The following FRMD3 variants were observed in gnomAD, a reference collection of about 807,000 sequenced individuals.
The protein encoded by FRMD3 is FERM domain containing 3.
Under a neutral mutation model 70.2 loss-of-function variants are expected in FRMD3, and 33 were observed. That is an observed-to-expected ratio of 0.47 (90% CI 0.36 to 0.63). FRMD3 has a LOEUF of 0.63. Ranked by LOEUF, FRMD3 falls within the 20% of genes least tolerant of loss-of-function variation. The pLI is 0.00. For synonymous variants in FRMD3, 279 were observed against 255.9 expected (o/e 1.09, Z -0.86); for missense variants, 632 against 711.4 (o/e 0.89, Z 1.27).
intron 1 of FRMD3, among the ~76,000 whole-genome samples, chr9:83,418,499 C>T (rs1389679562): frequency 1.3e-5 from 2 of 151,904 alleles, no homozygotes; most frequent in African/African-American, 4.8e-5. Context: ...AGAAGATATG[C>T]AAACAGCCAG....
chr9:83,265,922 C>T (rs1833234623), intron 13 of FRMD3, among the ~76,000 whole-genome samples: 1 of 152,080 alleles, frequency 6.6e-6, no homozygotes, highest in South Asian at 2.1e-4. Context: ...ATTGCAGTAC[C>T]ATCTGTTACA....
chr9:83,360,097 T>C (rs571303714), intron 3 of FRMD3, among the ~76,000 whole-genome samples: 1 of 152,296 alleles, frequency 6.6e-6, no homozygotes, highest in East Asian at 1.9e-4. Context: ...CCCTGGCATC[T>C]AAAGGACAGC....
At chr9:83,517,600 C>T (rs1413624429) in intron 1 of FRMD3, among the ~76,000 whole-genome samples, 1 of 149,476 alleles carries the variant, frequency 6.7e-6, no homozygotes, top group Non-Finnish European at 1.5e-5. Flanking sequence ...AAAACTATTA[C>T]AAGCAATAAA....
intron 6 of FRMD3, chr9:83,332,047 GC>G (rs1823396346): frequency 4.8e-6 from 3 of 623,922 alleles, no homozygotes; most frequent in Non-Finnish European, 2.9e-6. Context: ...GGTGGGCGGA[GC>G]CCCCCAGCTG....
In FRMD3 at chr9:83,297,211, CAGG is replaced by C. The variant is rs371646156; in HGVS notation, c.1070+1534_1070+1536del. ...GTGTCCTGCTTTGTGTTTGTGCTACCAGGAGAACTCCCTCAGCATCAGGTATTT... is the reference window on the plus strand; with the variant it reads ...GTGTCCTGCTTTGTGTTTGTGCTACCAGAACTCCCTCAGCATCAGGTATTT... On this transcript the variant is annotated intron_variant, in intron 12 of 13. Coordinates refer to ENST00000304195, the MANE Select transcript of FRMD3 (RefSeq NM_174938.6). Among the ~76,000 whole-genome samples the C allele has an allele frequency of 3.1e-4, 47 of 152,266 alleles. No individual in the cohort carries two copies. In the South Asian group the frequency reaches 9.3e-3, roughly 30 times the overall value.
At chr9:83,313,772 G>A (rs1405919997) in intron 6 of FRMD3, 25 bp from the exon 7 acceptor site, 1 of 1,573,780 alleles carries the variant, frequency 6.4e-7, no homozygotes. Flanking sequence ...GAAAAGTTGA[G>A]GCAGTTAAAA....
chr9:83,429,211 G>T (rs1189189877), intron 1 of FRMD3, among the ~76,000 whole-genome samples: 1 of 152,118 alleles, frequency 6.6e-6, no homozygotes, highest in East Asian at 1.9e-4. Context: ...TTCCAGAGCT[G>T]ATGCCTCCCG....
intron 1 of FRMD3, among the ~76,000 whole-genome samples, chr9:83,495,518 A>T (rs1314144792): frequency 6.6e-6 from 1 of 152,222 alleles, no homozygotes; most frequent in African/African-American, 2.4e-5. Flanking sequence ...AATACAAGAA[A>T]ATAGAAAGGG....
At chr9:83,554,995 G>A in the FRMD3 span, among the ~76,000 whole-genome samples, 1 of 152,186 alleles carries the variant, frequency 6.6e-6, no homozygotes, top group African/African-American at 2.4e-5. Flanking sequence ...CCTCCCTCTG[G>A]GGGCTTTGTC....
At chr9:83,302,366 C>T (rs1834960351) in intron 10 of FRMD3, among the ~76,000 whole-genome samples, 2 of 152,114 alleles carry the variant, frequency 1.3e-5, no homozygotes, top group African/African-American at 4.8e-5. Context: ...CTAGGATGAC[C>T]CAAGAGGTGA....
chr9:83,251,944 A>G (rs145578268), intron 13 of FRMD3, among the ~76,000 whole-genome samples: 5 of 152,316 alleles, frequency 3.3e-5, no homozygotes, highest in African/African-American at 1.2e-4. Context: ...AAGTTAGAAA[A>G]TATACTTCAG....
chr9:83,543,697 T>A, the FRMD3 span, among the ~76,000 whole-genome samples: 1 of 151,980 alleles, frequency 6.6e-6, no homozygotes, highest in African/African-American at 2.4e-5. Flanking sequence ...AAAGGCAGAG[T>A]GCAGCATGCC....
chr9:83,512,425 G>A (rs1040981640), intron 1 of FRMD3, among the ~76,000 whole-genome samples: 1 of 152,216 alleles, frequency 6.6e-6, no homozygotes, highest in African/African-American at 2.4e-5. Context: ...GTAATGTGAT[G>A]GAGAGTGGCT....
intron 3 of FRMD3, chr9:83,350,555 G>T (rs536382255): frequency 6.5e-6 from 1 of 154,030 alleles, no homozygotes. Flanking sequence ...CCCAGGAGGC[G>T]GAGGTTGCAG....
chr9:83,336,025 G>C (rs1484789359), intron 5 of FRMD3, among the ~76,000 whole-genome samples: 1 of 152,200 alleles, frequency 6.6e-6, no homozygotes, highest in Non-Finnish European at 1.5e-5. Context: ...GCAGACCCAG[G>C]CACTGTGACC....
chr9:83,317,274 A>G (rs1835623162), intron 6 of FRMD3, among the ~76,000 whole-genome samples: 1 of 151,998 alleles, frequency 6.6e-6, no homozygotes, highest in Non-Finnish European at 1.5e-5. Flanking sequence ...CAAAGCAGTC[A>G]AAATACCCAG....
intron 1 of FRMD3, among the ~76,000 whole-genome samples, chr9:83,514,497 G>C (rs1829410985): frequency 1.3e-5 from 2 of 152,158 alleles, no homozygotes; most frequent in South Asian, 2.1e-4. Context: ...CATCTCCCTG[G>C]GACAGAGCAC....
chr9:83,491,536 G>A (rs747722076), intron 1 of FRMD3, among the ~76,000 whole-genome samples: 4 of 152,128 alleles, frequency 2.6e-5, no homozygotes, highest in Non-Finnish European at 1.5e-5. Flanking sequence ...GATGCCACAT[G>A]CCCAGGGGTC....
chr9:83,552,814 C>T, the FRMD3 span, among the ~76,000 whole-genome samples: 1 of 151,930 alleles, frequency 6.6e-6, no homozygotes, highest in Non-Finnish European at 1.5e-5. Flanking sequence ...TTTCTGTTTT[C>T]CATTTGCTCC....
Sources: gnomAD v4.1 joint callset for allele counts (sites outside exome capture counted in the v4.1 genomes callset) on GRCh38, gnomAD v4.1.1 for gene constraint, MANE v1.5 for transcripts, NCBI Gene and HGNC (gene_info 2026-07-23, HGNC 2026-07-21) for gene names.